The following MLIP variants were observed in gnomAD, a reference collection of about 807,000 sequenced individuals.
MLIP encodes muscular LMNA-interacting protein.
In MLIP, 79 loss-of-function variants were observed where a neutral mutation model predicts 84.8. The ratio of observed to expected loss-of-function variants is 0.93; its 90% CI spans 0.78 to 1.12. The LOEUF (loss-of-function observed/expected upper bound fraction) is 1.12. MLIP is among the 50% of genes most tolerant of loss of function. The probability of loss-of-function intolerance (pLI) is 0.00; values close to 1 mark genes in which losing one functional copy is unlikely to be tolerated. For synonymous variants in MLIP, 504 were observed against 463.0 expected (o/e 1.09, Z -1.14); for missense variants, 1,257 against 1,160.6 (o/e 1.08, Z -1.21).
At chr6:54,129,498 G>A (rs935291791) in intron 3 of MLIP, among the ~76,000 whole-genome samples, 2 of 152,132 alleles carry the variant, frequency 1.3e-5, no homozygotes, top group Non-Finnish European at 2.9e-5. Flanking sequence ...CTCTTAGTGA[G>A]CATTCAAAGC....
intron 12 of MLIP, 112 bp from the exon 13 acceptor site, chr6:54,257,196 T>C (rs906741122): frequency 4.1e-6 from 3 of 732,626 alleles, no homozygotes; most frequent in Non-Finnish European, 7.0e-6. Flanking sequence ...GAATCCACTG[T>C]TATCTGCAAT....
chr6:54,263,476 T>A (rs1783512569), intron 13 of MLIP, among the ~76,000 whole-genome samples: 1 of 152,140 alleles, frequency 6.6e-6, no homozygotes, highest in African/African-American at 2.4e-5. Flanking sequence ...CATATTATGA[T>A]ACACATTTCT....
chr6:54,019,676 C>A (rs949836843), intron 1 of MLIP, among the ~76,000 whole-genome samples: 1 of 152,114 alleles, frequency 6.6e-6, no homozygotes, highest in African/African-American at 2.4e-5. Flanking sequence ...GTCCATGGCT[C>A]ATCTGATGAG....
chr6:54,164,014 T>C (rs1774924277), intron 8 of MLIP, among the ~76,000 whole-genome samples: 1 of 151,980 alleles, frequency 6.6e-6, no homozygotes, highest in African/African-American at 2.4e-5. Context: ...CGAAGTATTT[T>C]GTCAGCATGA....
chr6:54,177,494 T>C (rs1776410226), intron 9 of MLIP, among the ~76,000 whole-genome samples: 1 of 152,174 alleles, frequency 6.6e-6, no homozygotes, highest in South Asian at 2.1e-4. Context: ...CGCAATGAGA[T>C]ACCATCTCAC....
chr6:54,223,319 A>AACAT (rs10636461), intron 11 of MLIP, among the ~76,000 whole-genome samples: 147,924 of 151,764 alleles, frequency 0.97, 72,200 homozygotes, highest in East Asian at 1. Context: ...AACAAACAAA[A>AACAT]TACCCACAAC....
intron 1 of MLIP, among the ~76,000 whole-genome samples, chr6:54,052,897 C>T (rs1349770344): frequency 6.6e-6 from 1 of 152,076 alleles, no homozygotes; most frequent in African/African-American, 2.4e-5. Flanking sequence ...AATGAGGTCT[C>T]ATATTAATAT....
At chr6:54,261,958 A>G (rs1783419350) in intron 13 of MLIP, among the ~76,000 whole-genome samples, 1 of 152,026 alleles carries the variant, frequency 6.6e-6, no homozygotes, top group African/African-American at 2.4e-5. Flanking sequence ...GAAGATTCCT[A>G]TGCATTGATA....
chr6:54,221,163 A>G (rs935914049), intron 11 of MLIP, among the ~76,000 whole-genome samples: 1 of 152,084 alleles, frequency 6.6e-6, no homozygotes, highest in Non-Finnish European at 1.5e-5. Flanking sequence ...TTGCCATGGA[A>G]ATTGCTGTGT....
At chr6:54,143,725 C>G (rs551640698) in intron 4 of MLIP, among the ~76,000 whole-genome samples, 3 of 151,958 alleles carry the variant, frequency 2.0e-5, no homozygotes, top group African/African-American at 7.3e-5. Context: ...GAACCATAGA[C>G]GAAGAACTAA....
At chr6:54,054,555 C>G (rs1181190261) in intron 1 of MLIP, among the ~76,000 whole-genome samples, 2 of 152,050 alleles carry the variant, frequency 1.3e-5, no homozygotes, top group East Asian at 3.9e-4. Context: ...AATTTTCACT[C>G]TGTTCCTATC....
chr6:54,240,247 C>T (rs1445945304), intron 12 of MLIP, among the ~76,000 whole-genome samples: 1 of 152,164 alleles, frequency 6.6e-6, no homozygotes, highest in Non-Finnish European at 1.5e-5. Flanking sequence ...CATTTTTTAG[C>T]ATCTAGCTAC....
chr6:54,204,402 G>A (rs1487856463), intron 11 of MLIP, among the ~76,000 whole-genome samples: 1 of 152,130 alleles, frequency 6.6e-6, no homozygotes, highest in Non-Finnish European at 1.5e-5. Flanking sequence ...TGAAGTTTTA[G>A]ACAGTATGGG....
intron 1 of MLIP, among the ~76,000 whole-genome samples, chr6:54,120,240 ATTT>A (rs10708240): frequency 1.4e-5 from 2 of 145,198 alleles, no homozygotes. Flanking sequence ...TCTTTTTTTT[ATTT>A]TTTTTTTTTG....
intron 1 of MLIP, among the ~76,000 whole-genome samples, chr6:54,076,442 T>C (rs556185808): frequency 1.1e-4 from 17 of 152,310 alleles, no homozygotes; most frequent in South Asian, 4.1e-4. Flanking sequence ...CACAACTGTA[T>C]TGCAAAAGAC....
chr6:54,165,658 T>C (rs1293635803), intron 8 of MLIP, among the ~76,000 whole-genome samples: 3 of 151,946 alleles, frequency 2.0e-5, no homozygotes, highest in Non-Finnish European at 4.4e-5. Context: ...AAAGAACTTT[T>C]TGTTTTGTGA....
At chr6:54,253,498 A>T (rs1387703635) in intron 12 of MLIP, among the ~76,000 whole-genome samples, 1 of 152,074 alleles carries the variant, frequency 6.6e-6, no homozygotes, top group African/African-American at 2.4e-5. Context: ...CTTTATCTCC[A>T]CTCAAAAAGA....
intron 1 of MLIP, among the ~76,000 whole-genome samples, chr6:54,086,815 AT>A (rs1767526304): frequency 2.0e-5 from 3 of 151,898 alleles, no homozygotes; most frequent in Non-Finnish European, 4.4e-5. Context: ...TGCATAATTT[AT>A]TTCTTCACTT....
chr6:54,207,663 G>A (rs1330646388), intron 11 of MLIP, among the ~76,000 whole-genome samples: 4 of 152,098 alleles, frequency 2.6e-5, no homozygotes, highest in Admixed American at 1.3e-4. Context: ...AGCATTATTT[G>A]CTTAACAAAT....
Sources: gnomAD v4.1 joint callset for allele counts (sites outside exome capture counted in the v4.1 genomes callset) on GRCh38, gnomAD v4.1.1 for gene constraint, MANE v1.5 for transcripts, NCBI Gene and HGNC (gene_info 2026-07-23, HGNC 2026-07-21) for gene names.